The following OPCML variants were observed in gnomAD, a reference collection of about 807,000 sequenced individuals.
OPCML encodes the protein opioid-binding protein/cell adhesion molecule.
In OPCML, 13 loss-of-function variants were observed where a neutral mutation model predicts 37.8. The ratio of observed to expected loss-of-function variants is 0.34; its 90% CI spans 0.22 to 0.55. The LOEUF is 0.55. Among genes scored for constraint, OPCML ranks in the 20% least tolerant of loss-of-function variants. The pLI is 0.91. For missense variants in OPCML, 341 were observed against 435.6 expected (o/e 0.78, Z 1.93); for synonymous variants, 176 against 168.8 (o/e 1.04, Z -0.33).
intron 1 of OPCML, among the ~76,000 whole-genome samples, chr11:133,103,575 C>A (rs895186402): frequency 6.6e-6 from 1 of 152,162 alleles, no homozygotes; most frequent in Non-Finnish European, 1.5e-5. Context: ...TTTGTTCATA[C>A]AATGGAACAT....
At chr11:132,607,473 G>T (rs1271020188) in intron 3 of OPCML, among the ~76,000 whole-genome samples, 1 of 152,186 alleles carries the variant, frequency 6.6e-6, no homozygotes, top group Non-Finnish European at 1.5e-5. Flanking sequence ...CTACTGACTG[G>T]GCCACATTGA....
intron 1 of OPCML, among the ~76,000 whole-genome samples, chr11:133,463,451 T>C (rs1404365947): frequency 1.3e-5 from 2 of 152,122 alleles, no homozygotes; most frequent in Non-Finnish European, 2.9e-5. Flanking sequence ...AAAAAGACAA[T>C]AACAACATTA....
At chr11:132,525,342 G>T (rs1320052147) in intron 4 of OPCML, among the ~76,000 whole-genome samples, 1 of 152,044 alleles carries the variant, frequency 6.6e-6, no homozygotes, top group East Asian at 1.9e-4. Context: ...TTTAATAACT[G>T]CTCATTAAAA....
chr11:132,985,761 C>T (rs1038033619), intron 1 of OPCML, among the ~76,000 whole-genome samples: 2 of 152,162 alleles, frequency 1.3e-5, no homozygotes, highest in Non-Finnish European at 2.9e-5. Flanking sequence ...TCTTACAATT[C>T]GGCCTATCAC....
intron 1 of OPCML, among the ~76,000 whole-genome samples, chr11:133,442,345 G>A (rs1222248125): frequency 6.6e-6 from 1 of 152,058 alleles, no homozygotes; most frequent in Non-Finnish European, 1.5e-5. Flanking sequence ...ATTCTTGGTG[G>A]CATTATAAAT....
Position 132,828,119 on chromosome 11 carries a change from G to A in OPCML, c.146+114807C>T, listed in dbSNP as rs369102769. On this transcript the variant is annotated intron_variant, in intron 2 of 7. Coordinates refer to ENST00000524381, the MANE Select transcript of OPCML (RefSeq NM_001012393.5). ...CATGGAGAAAAAATAAATGCATGTC[G>A]CTAAGTGGAAAAGGCCATGTGAAAA... Among the ~76,000 whole-genome samples the A allele has an allele frequency of 7.9e-5, 12 of 152,220 alleles. 1 individual carries two copies. Among genetic ancestry groups the A allele is most frequent in the Admixed American group, 3.9e-4 (6 of 15,286 alleles).
chr11:133,146,316 T>C (rs1037625505), intron 1 of OPCML, among the ~76,000 whole-genome samples: 7 of 140,172 alleles, frequency 5.0e-5, no homozygotes, highest in East Asian at 4.2e-4. Flanking sequence ...TCTTTTCTTT[T>C]TTTTTTTTTT....
chr11:133,417,226 TGG>T (rs1381457065), intron 1 of OPCML, among the ~76,000 whole-genome samples: 185 of 152,286 alleles, frequency 1.2e-3, no homozygotes, highest in African/African-American at 4.1e-3. Flanking sequence ...GAGGGGGTTG[TGG>T]GAATCCCTGA....
chr11:133,497,596 C>CT (rs11377721), intron 1 of OPCML, among the ~76,000 whole-genome samples: 61,760 of 151,864 alleles, frequency 0.41, 16,363 homozygotes, highest in African/African-American at 0.76. Context: ...ATTTTGGTCA[C>CT]GTCGCTCTTG....
chr11:132,879,409 G>A (rs1042215753), intron 2 of OPCML, among the ~76,000 whole-genome samples: 4 of 152,210 alleles, frequency 2.6e-5, no homozygotes, highest in African/African-American at 4.8e-5. Flanking sequence ...GGTAGTCAAA[G>A]AGTTATGAAA....
At chr11:133,423,123 A>C in intron 1 of OPCML, 1 of 985,446 alleles carries the variant, frequency 1.0e-6, no homozygotes, top group Non-Finnish European at 1.2e-6. Flanking sequence ...TTTGCCTTTC[A>C]GGATCTTATA....
intron 1 of OPCML, among the ~76,000 whole-genome samples, chr11:133,275,065 G>A (rs1941954460): frequency 6.6e-6 from 1 of 152,156 alleles, no homozygotes; most frequent in African/African-American, 2.4e-5. Context: ...TTGATTTACT[G>A]ACAAGCACCC....
At chr11:133,318,919 C>T (rs1420831200) in intron 1 of OPCML, among the ~76,000 whole-genome samples, 1 of 151,974 alleles carries the variant, frequency 6.6e-6, no homozygotes, top group African/African-American at 2.4e-5. Context: ...CCCAGCTACT[C>T]GGGAGGCTGA....
At chr11:133,509,104 C>T (rs777028710) in intron 1 of OPCML, among the ~76,000 whole-genome samples, 11 of 152,052 alleles carry the variant, frequency 7.2e-5, no homozygotes, top group South Asian at 2.1e-4. Context: ...ATGTGCAGGA[C>T]GTGCAGGTTT....
chr11:132,955,256 C>T (rs1025800932), intron 1 of OPCML, among the ~76,000 whole-genome samples: 1 of 152,080 alleles, frequency 6.6e-6, no homozygotes, highest in Non-Finnish European at 1.5e-5. Context: ...AGAGCTCCTT[C>T]AAGGTGTTGT....
chr11:132,550,582 T>A (rs2096379310), intron 3 of OPCML, among the ~76,000 whole-genome samples: 1 of 152,206 alleles, frequency 6.6e-6, no homozygotes, highest in Non-Finnish European at 1.5e-5. Context: ...CTTCTTTTCT[T>A]TATAAATTAC....
intron 1 of OPCML, among the ~76,000 whole-genome samples, chr11:133,095,339 G>A (rs1485225368): frequency 9.4e-6 from 1 of 106,886 alleles, no homozygotes; most frequent in East Asian, 3.0e-4. Flanking sequence ...GGGTGAATAT[G>A]ACAGAGTAAA....
chr11:133,050,623 G>A (rs952308723), intron 1 of OPCML, among the ~76,000 whole-genome samples: 1 of 151,988 alleles, frequency 6.6e-6, no homozygotes, highest in African/African-American at 2.4e-5. Context: ...ACCATGCCAT[G>A]GGCTCACCAT....
chr11:133,086,581 C>T (rs1032305902), intron 1 of OPCML, among the ~76,000 whole-genome samples: 17 of 152,206 alleles, frequency 1.1e-4, no homozygotes, highest in East Asian at 5.8e-4. Flanking sequence ...AGGTGTACAA[C>T]GTGATGATTT....
Sources: gnomAD v4.1 joint callset for allele counts (sites outside exome capture counted in the v4.1 genomes callset) on GRCh38, gnomAD v4.1.1 for gene constraint, MANE v1.5 for transcripts, NCBI Gene and HGNC (gene_info 2026-07-23, HGNC 2026-07-21) for gene names.